Variants in GRM7 observed in about 807,000 individuals in gnomAD.
GRM7 encodes the protein metabotropic glutamate receptor 7.
A neutral mutation model predicts 84.5 loss-of-function variants in GRM7; 35 were observed. The ratio of observed to expected loss-of-function variants is 0.41; its 90% CI spans 0.32 to 0.55. The LOEUF is 0.55. GRM7 is among the 20% of genes least tolerant of loss of function. The pLI, the probability that GRM7 is intolerant of heterozygous loss-of-function variation, is 0.19. For missense variants in GRM7, 1,003 were observed against 1,194.6 expected (o/e 0.84, Z 2.36); for synonymous variants, 487 against 455.1 (o/e 1.07, Z -0.89).
intron 1 of GRM7, among the ~76,000 whole-genome samples, chr3:6,948,345 T>G (rs1166029727): frequency 6.6e-6 from 1 of 152,248 alleles, no homozygotes; most frequent in African/African-American, 2.4e-5. Flanking sequence ...GTTGTTCAGT[T>G]CCCATGTAGC....
In GRM7 at chr3:7,740,420, A is replaced by T. The variant is rs1438335238; in HGVS notation, c.*14A>T. On this transcript the variant is annotated 3_prime_UTR_variant, in exon 10 of 10. Coordinates refer to ENST00000357716, the MANE Select transcript of GRM7 (RefSeq NM_000844.4). ...CTGGTTATCTAACCTGTTCCATTCC[A>T]TGGAACCATGGAGGAGGAAGACCCT... 1 of 1,453,998 alleles carries T rather than the reference A, an allele frequency of 6.9e-7. No homozygotes were observed. The highest frequency in any genetic ancestry group is 1.4e-5 in the African/African-American group (1 of 70,038). 90.1% of individuals were successfully genotyped at this position (1,453,998 alleles called of 1,614,324 possible). A position where few individuals can be genotyped will look rare whatever the true frequency, so the allele number is the denominator to read the frequency against.
chr3:6,877,262 G>T (rs959112099), intron 1 of GRM7, among the ~76,000 whole-genome samples: 1 of 151,902 alleles, frequency 6.6e-6, no homozygotes, highest in Admixed American at 6.6e-5. Flanking sequence ...GATGCAGGGA[G>T]CCTAGCTGAT....
chr3:7,042,616 T>G (rs767236473), intron 1 of GRM7, among the ~76,000 whole-genome samples: 2 of 152,114 alleles, frequency 1.3e-5, no homozygotes, highest in Non-Finnish European at 2.9e-5. Context: ...ACACTTTTAA[T>G]TTTATCTGGA....
rs1234547938 is a variant in GRM7 at position 6,863,225 on chromosome 3, G to T, written c.519+1318G>T. Among the ~76,000 whole-genome samples the T allele has an allele frequency of 1.3e-5, 2 of 151,028 alleles. No individual in the cohort carries two copies. The highest frequency in any genetic ancestry group is 1.5e-5 in the Non-Finnish European group (1 of 67,860). ...TCTTGGTTCATCTCCGTATTAAAAT[G>T]ACCCTTTTCCAGTGCATAGCGGCTC... On this transcript the variant is annotated intron_variant, in intron 1 of 9. Coordinates refer to ENST00000357716, the MANE Select transcript of GRM7 (RefSeq NM_000844.4). The surrounding 1 kb of genome is among the most constrained non-coding windows in gnomAD (Gnocchi z 4.8).
At chr3:7,161,174 AC>A (rs1694612117) in intron 2 of GRM7, among the ~76,000 whole-genome samples, 1 of 151,786 alleles carries the variant, frequency 6.6e-6, no homozygotes, top group African/African-American at 2.4e-5. Flanking sequence ...CCCCATCTTT[AC>A]TGTACAGTTC....
intron 7 of GRM7, among the ~76,000 whole-genome samples, chr3:7,477,068 C>T (rs1404866788): frequency 6.6e-6 from 1 of 152,186 alleles, no homozygotes; most frequent in African/African-American, 2.4e-5. Context: ...TGTTAGACAT[C>T]AAACTGATGC....
At chr3:6,891,254 T>G (rs1695929221) in intron 1 of GRM7, among the ~76,000 whole-genome samples, 1 of 152,224 alleles carries the variant, frequency 6.6e-6, no homozygotes, top group Non-Finnish European at 1.5e-5. Context: ...TATTGTTATG[T>G]GTGAATTTGA....
chr3:7,181,868 C>A (rs568442775), intron 2 of GRM7, among the ~76,000 whole-genome samples: 1 of 152,088 alleles, frequency 6.6e-6, no homozygotes, highest in African/African-American at 2.4e-5. Context: ...TCCTTGGCCT[C>A]CTGAATTGCT....
chr3:7,687,087 C>A (rs1289137908), intron 9 of GRM7, among the ~76,000 whole-genome samples: 2 of 19,968 alleles, frequency 1.0e-4, no homozygotes, highest in Non-Finnish European at 1.8e-4. Flanking sequence ...AACACTGAAC[C>A]AACTTTAGTC....
chr3:7,546,152 TGAG>T (rs1411357448), intron 7 of GRM7, among the ~76,000 whole-genome samples: 4 of 152,164 alleles, frequency 2.6e-5, no homozygotes, highest in Non-Finnish European at 5.9e-5. Context: ...AACGGTAAAA[TGAG>T]GACACTCCCC....
intron 9 of GRM7, among the ~76,000 whole-genome samples, chr3:7,730,296 G>A (rs978203381): frequency 1.2e-4 from 18 of 152,198 alleles, no homozygotes; most frequent in Non-Finnish European, 2.2e-4. Flanking sequence ...GTGAGCCACT[G>A]CACCTGGCCT....
At chr3:7,595,274 G>A (rs183602180) in intron 8 of GRM7, among the ~76,000 whole-genome samples, 95 of 152,252 alleles carry the variant, frequency 6.2e-4, no homozygotes, top group Non-Finnish European at 1.2e-3. Flanking sequence ...GAGGGAGCAG[G>A]GCTACTTCTG....
chr3:7,162,729 A>ATTTTTT lies in GRM7; in HGVS notation c.736+16104_736+16109dup, dbSNP rs71063284. Among the ~76,000 whole-genome samples, 205 of 54,708 alleles carry ATTTTTT rather than the reference A, an allele frequency of 3.7e-3. 47 individuals are homozygous for ATTTTTT. Among genetic ancestry groups the ATTTTTT allele is most frequent in the Non-Finnish European group, 5.9e-3 (151 of 25,688 alleles). 35.9% of individuals were successfully genotyped at this position (54,708 alleles called of 152,430 possible). On this transcript the variant is annotated intron_variant, in intron 2 of 9. Coordinates refer to ENST00000357716, the MANE Select transcript of GRM7 (RefSeq NM_000844.4). Reference sequence around the variant, plus strand: ...CAATCTCCCATTACTCCCATTTTTCATTTTTTTTTTTTTTTTTTTTTTTTT... The same window carrying ATTTTTT: ...CAATCTCCCATTACTCCCATTTTTCATTTTTTTTTTTTTTTTTTTTTTTTTTTTTTT...
chr3:7,597,461 C>A (rs550401482), intron 8 of GRM7, among the ~76,000 whole-genome samples: 1 of 152,200 alleles, frequency 6.6e-6, no homozygotes, highest in South Asian at 2.1e-4. Context: ...GCTTGTAGAC[C>A]ACACAAAAAC....
chr3:7,441,752 C>G (rs1444477440), intron 5 of GRM7, among the ~76,000 whole-genome samples: 2 of 152,032 alleles, frequency 1.3e-5, no homozygotes, highest in Non-Finnish European at 2.9e-5. Flanking sequence ...TCCCATTGGT[C>G]ATTTTTGTCA....
chr3:7,593,432 A>G (rs1695886783), intron 8 of GRM7, among the ~76,000 whole-genome samples: 1 of 152,224 alleles, frequency 6.6e-6, no homozygotes, highest in Non-Finnish European at 1.5e-5. Flanking sequence ...CATGGAAATC[A>G]CATTCTATTG....
At chr3:7,447,900 T>G (rs1276491419) in intron 5 of GRM7, among the ~76,000 whole-genome samples, 2 of 61,698 alleles carry the variant, frequency 3.2e-5, no homozygotes, top group African/African-American at 6.7e-5. Context: ...CCCTCCCCCC[T>G]CCCCCCACCC....
intron 1 of GRM7, among the ~76,000 whole-genome samples, chr3:6,911,945 G>A (rs1340848298): frequency 6.6e-6 from 1 of 152,130 alleles, no homozygotes; most frequent in Non-Finnish European, 1.5e-5. Context: ...TCCATCGACT[G>A]TAAGAAAAAT....
chr3:7,115,786 A>AAGGTTTAGT (rs1241773201), intron 1 of GRM7, among the ~76,000 whole-genome samples: 1 of 152,116 alleles, frequency 6.6e-6, no homozygotes, highest in Non-Finnish European at 1.5e-5. Context: ...GTACAAATAG[A>AAGGTTTAGT]AGGTTTAGTA....
Sources: allele counts gnomAD v4.1 joint callset (sites outside exome capture counted in the v4.1 genomes callset), GRCh38; gene constraint gnomAD v4.1.1; non-coding constraint Gnocchi (gnomAD v3.1); transcripts MANE v1.5; gene names NCBI Gene and HGNC (gene_info 2026-07-23, HGNC 2026-07-21).